The following SEMA3D variants were observed in gnomAD, a reference collection of about 807,000 sequenced individuals.
The protein encoded by SEMA3D is semaphorin-3D.
In SEMA3D, 84 loss-of-function variants were observed where a neutral mutation model predicts 100.1. That is an observed-to-expected ratio of 0.84 (90% CI 0.70 to 1.01). The LOEUF (loss-of-function observed/expected upper bound fraction) is 1.01. SEMA3D is among the 50% of genes least tolerant of loss of function. The probability of loss-of-function intolerance (pLI) is 0.00; values close to 1 mark genes in which losing one functional copy is unlikely to be tolerated. For synonymous variants in SEMA3D, 312 were observed against 320.7 expected (o/e 0.97, Z 0.29); for missense variants, 875 against 934.1 (o/e 0.94, Z 0.82).
chr7:85,169,235 A>G (rs545620907), intron 1 of SEMA3D, among the ~76,000 whole-genome samples: 6 of 151,810 alleles, frequency 4.0e-5, no homozygotes, highest in Non-Finnish European at 7.4e-5. Context: ...ACAAACAAAG[A>G]AAAACCTTCA....
At chr7:85,168,549 G>A (rs1790975484) in intron 1 of SEMA3D, among the ~76,000 whole-genome samples, 1 of 150,728 alleles carries the variant, frequency 6.6e-6, no homozygotes, top group Admixed American at 6.6e-5. Context: ...TGATAACTCA[G>A]TCATGTGCCT....
intron 2 of SEMA3D, chr7:85,143,250 T>C: frequency 1.7e-6 from 1 of 594,108 alleles, no homozygotes; most frequent in African/African-American, 2.0e-5. Flanking sequence ...TTAATACTTT[T>C]ATTATAATTC....
intron 1 of SEMA3D, among the ~76,000 whole-genome samples, chr7:85,177,353 T>A (rs1791265371): frequency 6.6e-6 from 1 of 152,126 alleles, no homozygotes; most frequent in Admixed American, 6.6e-5. Flanking sequence ...TTCAAAATAG[T>A]CATGGTATAT....
chr7:85,147,739 T>C (rs59551348), intron 2 of SEMA3D, among the ~76,000 whole-genome samples: 39,308 of 152,118 alleles, frequency 0.26, 5,276 homozygotes, highest in East Asian at 0.36. Flanking sequence ...CACTTACCTA[T>C]ATATCTGCTA....
intron 2 of SEMA3D, among the ~76,000 whole-genome samples, chr7:85,124,147 GA>G (rs1048698083): frequency 2.6e-5 from 4 of 151,874 alleles, no homozygotes; most frequent in African/African-American, 9.7e-5. Context: ...CTGATCTACA[GA>G]AAAAAATTTA....
chr7:85,050,114 CACACACAGAG>C (rs749731842), intron 9 of SEMA3D, among the ~76,000 whole-genome samples: 5 of 146,264 alleles, frequency 3.4e-5, no homozygotes, highest in Middle Eastern at 3.5e-3. Flanking sequence ...CACACACACA[CACACACAGAG>C]ACAGAGTAAT....
At chr7:85,079,894 C>T (rs1019387931) in intron 5 of SEMA3D, among the ~76,000 whole-genome samples, 5 of 152,110 alleles carry the variant, frequency 3.3e-5, no homozygotes, top group African/African-American at 1.2e-4. Context: ...AGTAAAGTAT[C>T]GGTGCTTTTG....
intron 18 of SEMA3D, among the ~76,000 whole-genome samples, chr7:85,004,385 A>G (rs777471027): frequency 9.2e-5 from 14 of 152,168 alleles, no homozygotes; most frequent in Non-Finnish European, 1.6e-4. Flanking sequence ...AAATGTTATT[A>G]AAATGCACAG....
intron 14 of SEMA3D, among the ~76,000 whole-genome samples, chr7:85,018,899 G>A (rs1790177981): frequency 6.6e-6 from 1 of 151,588 alleles, no homozygotes; most frequent in Non-Finnish European, 1.5e-5. Flanking sequence ...AAAAGGACAA[G>A]ATGGCTTAAA....
chr7:85,174,994 T>C (rs1391635268), intron 1 of SEMA3D, among the ~76,000 whole-genome samples: 2 of 151,942 alleles, frequency 1.3e-5, no homozygotes, highest in Non-Finnish European at 2.9e-5. Flanking sequence ...ACACTGTCTG[T>C]ACACAGTTAG....
chr7:85,219,067 A>C, the SEMA3D span, among the ~76,000 whole-genome samples: 2 of 152,146 alleles, frequency 1.3e-5, no homozygotes, highest in Admixed American at 6.6e-5. Context: ...TAAATAAAAA[A>C]GTGGCCCATG....
intron 12 of SEMA3D, among the ~76,000 whole-genome samples, chr7:85,027,384 G>T (rs1267281595): frequency 6.6e-6 from 1 of 151,980 alleles, no homozygotes; most frequent in Non-Finnish European, 1.5e-5. Flanking sequence ...CTACAGCAAA[G>T]AGAGGAAATT....
chr7:85,083,436 G>A (rs1583905763), intron 4 of SEMA3D, among the ~76,000 whole-genome samples: 1 of 152,204 alleles, frequency 6.6e-6, no homozygotes, highest in South Asian at 2.1e-4. Context: ...ATGGAACACT[G>A]CAGCTGGCCC....
At chr7:85,053,004 A>T (rs1791209430) in intron 9 of SEMA3D, among the ~76,000 whole-genome samples, 1 of 151,954 alleles carries the variant, frequency 6.6e-6, no homozygotes, top group South Asian at 2.1e-4. Flanking sequence ...CTAGTTTTAC[A>T]AGTCAATAAA....
At position 85,036,966 on chromosome 7, in the gene SEMA3D, G is replaced by A. The variant is rs1159756058; in HGVS notation, c.1114C>T (p.Pro372Ser). The A allele has an allele frequency of 6.2e-7, 1 of 1,613,048 alleles. No individual in the cohort carries two copies. The highest frequency in any genetic ancestry group is 8.5e-7 in the Non-Finnish European group (1 of 1,179,450). The change falls in exon 12 of 19, where the codon CCA (proline) becomes TCA (serine). Residue 372 changes from proline to serine, a missense_variant. By Grantham distance (74) the Pro-to-Ser change is moderately conservative (BLOSUM62 -1). Coordinates refer to ENST00000284136, the MANE Select transcript of SEMA3D (RefSeq NM_001384900.1). ...MADIRAVFNG[P>S]YAHKESADHR... ...TCTGCACTTTCCTTATGAGCATATG[G>A]ACCATTAAAAACTGCTCTGATGTCA...
chr7:85,041,784 C>T (rs1790872672), intron 10 of SEMA3D: 1 of 169,892 alleles, frequency 5.9e-6, no homozygotes, highest in South Asian at 2.0e-4. Context: ...ACCAAATCTC[C>T]TGTACTTGCC....
intron 17 of SEMA3D, among the ~76,000 whole-genome samples, chr7:85,010,705 A>G (rs1401110668): frequency 1.3e-5 from 2 of 151,880 alleles, no homozygotes; most frequent in African/African-American, 4.8e-5. Context: ...GAAGAAGATA[A>G]TAAGAATTCT....
chr7:85,203,176 A>C, the SEMA3D span, among the ~76,000 whole-genome samples: 1 of 152,330 alleles, frequency 6.6e-6, no homozygotes, highest in South Asian at 2.1e-4. Context: ...ATGAGCAGAG[A>C]GCAGAAATAT....
intron 4 of SEMA3D, among the ~76,000 whole-genome samples, chr7:85,093,057 G>T (rs1437879882): frequency 6.6e-6 from 1 of 151,842 alleles, no homozygotes; most frequent in East Asian, 1.9e-4. Flanking sequence ...TTCCAAATAG[G>T]CAATATATAT....
Sources: gnomAD v4.1 joint callset for allele counts (sites outside exome capture counted in the v4.1 genomes callset) on GRCh38, gnomAD v4.1.1 for gene constraint, MANE v1.5 for transcripts, NCBI Gene and HGNC (gene_info 2026-07-23, HGNC 2026-07-21) for gene names.